KDM4C: variants seen among roughly 807,000 people sequenced by gnomAD.
The protein encoded by KDM4C is lysine demethylase 4C.
KDM4C carries 81 observed loss-of-function variants against 129.3 expected under a neutral mutation model. That is an observed-to-expected ratio of 0.63 (90% CI 0.52 to 0.75). KDM4C has a LOEUF of 0.75. Ranked by LOEUF, KDM4C falls within the 30% of genes least tolerant of loss-of-function variation. The pLI is 0.00. For synonymous variants in KDM4C, 573 were observed against 456.1 expected (o/e 1.26, Z -3.26); for missense variants, 1,457 against 1,304.0 (o/e 1.12, Z -1.81).
intron 18 of KDM4C, among the ~76,000 whole-genome samples, chr9:7,122,265 A>ACTCTCTCTCTCT (rs1554751922): frequency 7.7e-4 from 112 of 144,796 alleles, no homozygotes; most frequent in African/African-American, 1.2e-3. Context: ...ACACACACAC[A>ACTCTCTCTCTCT]CTCTCTCTCT....
chr9:7,171,404 C>G (rs958646434), intron 21 of KDM4C, among the ~76,000 whole-genome samples: 15 of 152,156 alleles, frequency 9.9e-5, no homozygotes, highest in Non-Finnish European at 1.9e-4. Flanking sequence ...CTTTCCTTTT[C>G]GAGATGTTAG....
At chr9:7,097,268 G>A (rs1346653791) in intron 17 of KDM4C, among the ~76,000 whole-genome samples, 1 of 152,204 alleles carries the variant, frequency 6.6e-6, no homozygotes, top group African/African-American at 2.4e-5. Flanking sequence ...TAAGCCTCCA[G>A]TGCAGAGTCT....
intron 7 of KDM4C, among the ~76,000 whole-genome samples, chr9:6,892,272 T>A (rs1846206696): frequency 6.6e-6 from 1 of 152,172 alleles, no homozygotes; most frequent in Non-Finnish European, 1.5e-5. Context: ...TTATTCCATT[T>A]GAAGGAGTGA....
chr9:6,826,996 C>T (rs1833993830), intron 4 of KDM4C, among the ~76,000 whole-genome samples: 2 of 152,056 alleles, frequency 1.3e-5, no homozygotes, highest in South Asian at 4.2e-4. Context: ...AGTATGACAG[C>T]TCCTGATCTT....
intron 5 of KDM4C, among the ~76,000 whole-genome samples, 156 bp downstream of exon 5, chr9:6,849,856 G>A: frequency 6.6e-6 from 1 of 152,272 alleles, no homozygotes; most frequent in Admixed American, 6.5e-5. Context: ...CTTCTATTCT[G>A]TCTGGGATTG....
At chr9:7,006,493 G>A (rs915443810) in intron 12 of KDM4C, among the ~76,000 whole-genome samples, 1 of 152,026 alleles carries the variant, frequency 6.6e-6, no homozygotes, top group South Asian at 2.1e-4. Flanking sequence ...AGGAGTGGGC[G>A]GTGTGATTTG....
chr9:7,030,181 G>A lies in KDM4C; in HGVS notation c.2259+14252G>A, dbSNP rs962594999. On this transcript the variant is annotated intron_variant, in intron 15 of 21. Transcript: ENST00000381309. ...ATTTCCATTTTGCTTTAATTAGTTTGTCTTAAAAATTAGGGACCTTAAATA... is the reference window on the plus strand; with the variant it reads ...ATTTCCATTTTGCTTTAATTAGTTTATCTTAAAAATTAGGGACCTTAAATA... Among the ~76,000 whole-genome samples the A allele has an allele frequency of 2.0e-5, 3 of 152,014 alleles. No homozygotes were observed. In the South Asian group the frequency reaches 6.2e-4, roughly 32 times the overall value.
intron 17 of KDM4C, among the ~76,000 whole-genome samples, chr9:7,071,125 A>G (rs573260460): frequency 6.6e-6 from 1 of 152,324 alleles, no homozygotes; most frequent in East Asian, 1.9e-4. Flanking sequence ...CAAAATCTGT[A>G]TGTTGAAAAC....
At chr9:6,767,661 A>C (rs555964293) in intron 1 of KDM4C, among the ~76,000 whole-genome samples, 1 of 152,190 alleles carries the variant, frequency 6.6e-6, no homozygotes, top group South Asian at 2.1e-4. Context: ...GGGTTTTGCC[A>C]TGTTGTCCAG....
chr9:7,027,264 C>T (rs1458119354), intron 15 of KDM4C, among the ~76,000 whole-genome samples: 1 of 152,190 alleles, frequency 6.6e-6, no homozygotes, highest in Non-Finnish European at 1.5e-5. Flanking sequence ...AGGACTTGAG[C>T]ATTGTGATCT....
chr9:6,817,363 A>G (rs1365974844), intron 4 of KDM4C, among the ~76,000 whole-genome samples: 1 of 151,818 alleles, frequency 6.6e-6, no homozygotes, highest in East Asian at 1.9e-4. Flanking sequence ...CACCATGCCT[A>G]GCTAATTTTT....
intron 1 of KDM4C, among the ~76,000 whole-genome samples, chr9:6,763,259 C>T (rs1252900426): frequency 1.3e-5 from 2 of 152,190 alleles, no homozygotes; most frequent in Non-Finnish European, 2.9e-5. Flanking sequence ...CATCTTTCTT[C>T]CTAGTTCCCT....
At chr9:6,868,114 A>T (rs370764704) in intron 5 of KDM4C, among the ~76,000 whole-genome samples, 1 of 152,074 alleles carries the variant, frequency 6.6e-6, no homozygotes, top group Non-Finnish European at 1.5e-5. Flanking sequence ...TCTCGCACCA[A>T]ACCCTCCCTG....
At chr9:6,891,512 A>G (rs1034309949) in intron 7 of KDM4C, among the ~76,000 whole-genome samples, 1 of 152,116 alleles carries the variant, frequency 6.6e-6, no homozygotes, top group African/African-American at 2.4e-5. Flanking sequence ...GGGATGAATG[A>G]GGGGCTTGGG....
In KDM4C at chr9:7,029,086, A is replaced by G. The variant is rs1320525496; in HGVS notation, c.2259+13157A>G. Among the ~76,000 whole-genome samples, 6 of 152,030 alleles carry G rather than the reference A, an allele frequency of 3.9e-5. No individual in the cohort carries two copies. In the South Asian group the frequency reaches 6.2e-4, roughly 16 times the overall value. ...TAAATTTGGTGTTCCTCCAGAGGGG[A>G]TGATTCGTGGAGCCTTCTATTTGGC... On this transcript the variant is annotated intron_variant, in intron 15 of 21. Transcript: ENST00000381309.
rs897773751 is a variant in KDM4C, at chr9:6,949,500, T to G, written c.922-31425T>G. 4.0e-5 allele frequency among the ~76,000 whole-genome samples: 6 copies of G among 151,514 alleles called. 1 individual carries two copies. On this transcript the variant is annotated intron_variant, in intron 8 of 21. Coordinates refer to ENST00000381309, the MANE Select transcript of KDM4C (RefSeq NM_015061.6). Reference sequence around the variant, plus strand: ...GAGGCCAAGGCAGGCGGCTGGGAGGTGGAGGTTGTAGCGAGCCAAGATCAC... The same window carrying G: ...GAGGCCAAGGCAGGCGGCTGGGAGGGGGAGGTTGTAGCGAGCCAAGATCAC...
intron 17 of KDM4C, among the ~76,000 whole-genome samples, chr9:7,054,875 C>T (rs560181798): frequency 8.5e-5 from 13 of 152,236 alleles, no homozygotes; most frequent in Admixed American, 8.5e-4. Context: ...ATAAAGTTTT[C>T]AAATAGGACT....
intron 8 of KDM4C, among the ~76,000 whole-genome samples, chr9:6,927,701 C>T (rs766752159): frequency 3.3e-5 from 5 of 152,144 alleles, no homozygotes; most frequent in South Asian, 2.1e-4. Context: ...TTTTCATCTA[C>T]GTATCAACCC....
rs565761805 is a variant in KDM4C at position 7,104,326 on chromosome 9, C to G, written c.2610+456C>G. The G allele has an allele frequency of 3.2e-5, 5 of 154,994 alleles. No homozygotes were observed. The East Asian group carries it at 9.3e-4, about 29-fold the overall frequency. 9.6% of individuals were successfully genotyped at this position (154,994 alleles called of 1,614,324 possible). On this transcript the variant is annotated intron_variant, in intron 18 of 21. Transcript: ENST00000381309. ...GTTATTTTATCTCCTTTAGAAGAAA[C>G]AAAGAGCAGCAGCACAGTAAAGGAA...
Sources: gnomAD v4.1 joint callset for allele counts (sites outside exome capture counted in the v4.1 genomes callset) on GRCh38, gnomAD v4.1.1 for gene constraint, MANE v1.5 for transcripts, NCBI Gene and HGNC (gene_info 2026-07-23, HGNC 2026-07-21) for gene names.